CHD4: variants seen among roughly 807,000 people sequenced by gnomAD.
CHD4 encodes the protein chromodomain helicase DNA binding protein 4.
In CHD4, 35 loss-of-function variants were observed where a neutral mutation model predicts 235.5. The observed-to-expected ratio is 0.15, with a 90% confidence interval of 0.11 to 0.20. CHD4 has a LOEUF of 0.20. Among genes scored for constraint, CHD4 ranks in the 10% least tolerant of loss-of-function variants. The pLI is 1.00. For missense variants in CHD4, 1,329 were observed against 2,432.3 expected (o/e 0.55, Z 9.54); for synonymous variants, 900 against 850.2 (o/e 1.06, Z -1.02).
chr12:6,579,182 G>C, intron 33 of CHD4: 1 of 404,482 alleles, frequency 2.5e-6, no homozygotes, highest in Middle Eastern at 7.6e-4. Context: ...GGGTGCGGTG[G>C]CTCATGCCTG....
intron 2 of CHD4, chr12:6,603,292 G>A (rs1195275793): frequency 6.6e-6 from 1 of 152,490 alleles, no homozygotes; most frequent in African/African-American, 2.4e-5. Context: ...TAGGTGGGAA[G>A]GGACACAGAG....
chr12:6,582,619 ACT>A lies in CHD4; in HGVS notation c.4364_4365del (p.Glu1455ValfsTer14), dbSNP rs1565605755. 1 of 1,610,826 alleles carries A rather than the reference ACT, an allele frequency of 6.2e-7. No homozygotes were observed. The highest frequency in any genetic ancestry group is 8.5e-7 in the Non-Finnish European group (1 of 1,178,248). On this transcript the variant is annotated frameshift_variant, in exon 29 of 40. Coordinates refer to ENST00000544040, the MANE Select transcript of CHD4 (RefSeq NM_001273.5). LOFTEE classifies it high-confidence loss of function. ...CCACTCCAGCCCTCAACTCACTTGA[ACT>A]CTTTCTCTGATTTGCCTCGCAGGTC... ...VRDLRGKSEK[E>X]FKAYVSLFMR...
Position 6,593,345 on chromosome 12 carries a change from G to A in CHD4, c.2514+71C>T. 6.3e-7 allele frequency: 1 copy of A among 1,598,052 alleles called. No homozygotes were observed. Among genetic ancestry groups the A allele is most frequent in the South Asian group, 1.1e-5 (1 of 90,258 alleles). On this transcript the variant is annotated intron_variant, in intron 16 of 39. Coordinates refer to ENST00000544040, the MANE Select transcript of CHD4 (RefSeq NM_001273.5). The surrounding 1 kb of genome is among the most constrained non-coding windows in gnomAD (Gnocchi z 4.9). ...TACCCTTTTGCCTCACCAGGGACCA[G>A]ATCACAAGGAGGTAAACTAAGCCAG...
At chr12:6,577,637 C>A (rs1214399368) in intron 37 of CHD4, 148 bp downstream of exon 37, 24 of 1,038,616 alleles carry the variant, frequency 2.3e-5, no homozygotes, top group Non-Finnish European at 1.3e-5. Flanking sequence ...GTCTTCAACC[C>A]TAATGTGTAA....
intron 12 of CHD4, among the ~76,000 whole-genome samples, chr12:6,597,436 A>G (rs781615033): frequency 6.6e-6 from 1 of 152,130 alleles, no homozygotes. Context: ...ACTGCACTCA[A>G]GCCTGGGCAA....
At chr12:6,599,458 T>C (rs973171725) in intron 10 of CHD4, among the ~76,000 whole-genome samples, 3 of 151,976 alleles carry the variant, frequency 2.0e-5, no homozygotes, top group Admixed American at 6.6e-5. Flanking sequence ...AAAATTTTTT[T>C]AACAAAAAAA....
At chr12:6,582,428 AG>A in intron 29 of CHD4, 147 bp from the exon 30 acceptor site, 2 of 1,304,692 alleles carry the variant, frequency 1.5e-6, no homozygotes, top group Non-Finnish European at 2.1e-6. Context: ...GCTGATCTCT[AG>A]ACCCCACAAG....
chr12:6,602,250 G>C, intron 3 of CHD4, 75 bp from the exon 4 acceptor site: 1 of 1,597,102 alleles, frequency 6.3e-7, no homozygotes, highest in Non-Finnish European at 8.6e-7. Flanking sequence ...GGACAGCCCT[G>C]AGGCTCATCC....
chr12:6,595,197 G>C (rs1948466485), intron 14 of CHD4, 137 bp downstream of exon 14: 1 of 671,244 alleles, frequency 1.5e-6, no homozygotes, highest in Non-Finnish European at 2.6e-6. Flanking sequence ...TGGAGAAGTG[G>C]GGAAGCCGAC....
chr12:6,601,653 A>C lies in CHD4; in HGVS notation c.552T>G (p.Phe184Leu), dbSNP rs1948593237. 1 of 1,614,150 alleles carries C rather than the reference A, an allele frequency of 6.2e-7. No homozygotes were observed. Among genetic ancestry groups the C allele is most frequent in the Non-Finnish European group, 8.5e-7 (1 of 1,179,994 alleles). Residue 184 changes from phenylalanine to leucine, a missense_variant, in exon 5 of 40, where the codon TTT becomes TTG. By Grantham distance (22) the Phe-to-Leu change is conservative. Transcript: ENST00000544040. ...CCAAACCCCTTCTGTTTTACCTGAC[A>C]AACTGGCTGAAGGCCTTGTAGTTGG... ...TLTNYKAFSQ[F>L]VRPLIAAKNP...
At chr12:6,600,048 C>G (rs781640400) in intron 9 of CHD4, 36 bp from the exon 10 acceptor site, 2 of 1,604,606 alleles carry the variant, frequency 1.2e-6, no homozygotes, top group Admixed American at 3.4e-5. Context: ...ATTATTACCC[C>G]CACCCGCCCA....
At position 6,582,237 on chromosome 12, in the gene CHD4, G is replaced by A; in HGVS notation, c.4415C>T (p.Ala1472Val). The change falls in exon 30 of 40, where the codon GCA becomes GTA. Residue 1472 changes from alanine (A) to valine (V), a missense_variant. Physicochemically the swap from Ala to Val is moderately conservative, Grantham distance 64 (BLOSUM62 0). Coordinates refer to ENST00000544040, the MANE Select transcript of CHD4 (RefSeq NM_001273.5). ...ATCAGCAAAGGTCTCAGCCCCATCTGCCCCCGGCTCACATAAATGCCGCAT... is the reference window on the plus strand; with the variant it reads ...ATCAGCAAAGGTCTCAGCCCCATCTACCCCCGGCTCACATAAATGCCGCAT... Reference protein sequence around the residue: ...LFMRHLCEPGADGAETFADGV... With the variant: ...LFMRHLCEPGVDGAETFADGV... The A allele has an allele frequency of 1.2e-6, 2 of 1,600,308 alleles. No homozygotes were observed. Among genetic ancestry groups the A allele is most frequent in the Admixed American group, 1.8e-5 (1 of 56,248 alleles).
At position 6,593,044 on chromosome 12, in the gene CHD4, G is replaced by C. The variant is rs1948428153; in HGVS notation, c.2652+47C>G. On this transcript the variant is annotated intron_variant, in intron 17 of 39. Coordinates refer to ENST00000544040, the MANE Select transcript of CHD4 (RefSeq NM_001273.5). The surrounding 1 kb of genome is among the most constrained non-coding windows in gnomAD (Gnocchi z 4.9). ...TCCCCTTAATGAATTGGTAGTACTA[G>C]AAAAAACCCAAAGTGGGGGCTCCAA... 1 of 1,606,284 alleles carries C rather than the reference G, an allele frequency of 6.2e-7. No homozygotes were observed. Among genetic ancestry groups the C allele is most frequent in the Non-Finnish European group, 8.5e-7 (1 of 1,177,592 alleles).
chr12:6,586,648 T>C (rs2136207701), intron 25 of CHD4, among the ~76,000 whole-genome samples: 1 of 152,016 alleles, frequency 6.6e-6, no homozygotes, highest in Admixed American at 6.5e-5. Context: ...TCAGCTATGA[T>C]TGTGCCACTG....
At position 6,570,454 on chromosome 12, in the gene CHD4, T is replaced by C. The variant is rs1259755508; in HGVS notation, c.*222A>G. 3 of 586,276 alleles carry C rather than the reference T, an allele frequency of 5.1e-6. No homozygotes were observed. The highest frequency in any genetic ancestry group is 9.0e-6 in the Non-Finnish European group (3 of 332,988). The allele number at this position is 586,276 out of a possible 1,614,324, so 36.3% of individuals were successfully genotyped here. On this transcript the variant is annotated 3_prime_UTR_variant, in exon 40 of 40. Transcript: ENST00000544040. ...TCCAGAAGGCCAGCCCGCCAGCTCCTGCAGATGGCGCCAGCGCTACTGCTG... is the reference window on the plus strand; with the variant it reads ...TCCAGAAGGCCAGCCCGCCAGCTCCCGCAGATGGCGCCAGCGCTACTGCTG...
rs1425564327 is a variant in CHD4 at position 6,606,260 on chromosome 12, G to A, written c.100+14C>T. The A allele has an allele frequency of 1.9e-6, 3 of 1,538,744 alleles. No individual in the cohort carries two copies. The highest frequency in any genetic ancestry group is 2.7e-6 in the Non-Finnish European group (3 of 1,125,528). On this transcript the variant is annotated intron_variant, in intron 2 of 39. Coordinates refer to ENST00000544040, the MANE Select transcript of CHD4 (RefSeq NM_001273.5). ...TGTCTCCTTCCCGCCATGGGCCCTT[G>A]GGGAAGATGTTACCTGGGTGGGGTG... is the stretch of plus-strand genomic sequence containing the variant.
At chr12:6,590,036 T>G (rs1217311814) in intron 22 of CHD4, 1 of 151,834 alleles carries the variant, frequency 6.6e-6, no homozygotes, top group Non-Finnish European at 1.5e-5. Context: ...CTGTCTCTAC[T>G]AAAAATACAA....
At chr12:6,595,058 A>C (rs1291694866) in intron 14 of CHD4, among the ~76,000 whole-genome samples, 2 of 152,172 alleles carry the variant, frequency 1.3e-5, no homozygotes, top group Non-Finnish European at 2.9e-5. Flanking sequence ...ATGTAAGTGC[A>C]TAAAAGCTAG....
In CHD4 at chr12:6,587,963, G is replaced by A. The variant is rs2136209258; in HGVS notation, c.3466-14C>T. 1 of 1,607,266 alleles carries A rather than the reference G, an allele frequency of 6.2e-7. No homozygotes were observed. The highest frequency in any genetic ancestry group is 8.5e-7 in the Non-Finnish European group (1 of 1,174,080). ...TCTGCTAAAGGCCTGGAGTTGAACA[G>A]GAAATAAAGCCAGAAATTGTATTTT... On this transcript the variant is annotated splice_polypyrimidine_tract_variant and intron_variant, in intron 23 of 39. Coordinates refer to ENST00000544040, the MANE Select transcript of CHD4 (RefSeq NM_001273.5).
Sources: gnomAD v4.1 joint callset for allele counts (sites outside exome capture counted in the v4.1 genomes callset) on GRCh38, gnomAD v4.1.1 for gene constraint, Gnocchi (gnomAD v3.1) non-coding constraint, MANE v1.5 for transcripts, NCBI Gene and HGNC (gene_info 2026-07-23, HGNC 2026-07-21) for gene names.